IMMP2L: variants seen among roughly 807,000 people sequenced by gnomAD.
The protein encoded by IMMP2L is inner mitochondrial membrane peptidase subunit 2.
In IMMP2L, 18 loss-of-function variants were observed where a neutral mutation model predicts 19.3. The observed-to-expected ratio is 0.93, with a 90% CI of 0.64 to 1.38. IMMP2L has a LOEUF of 1.38. Ranked by LOEUF, IMMP2L falls within the 40% of genes most tolerant of loss-of-function variation. The pLI, the probability that IMMP2L is intolerant of heterozygous loss-of-function variation, is 0.00. For synonymous variants in IMMP2L, 76 were observed against 73.0 expected, an observed-to-expected ratio of 1.04 and a Z score of -0.21; for missense variants, 233 against 218.2, an observed-to-expected ratio of 1.07 and a Z score of -0.43.
chr7:111,372,034 T>C (rs1272895945), intron 3 of IMMP2L, among the ~76,000 whole-genome samples: 1 of 151,970 alleles, frequency 6.6e-6, no homozygotes, highest in Non-Finnish European at 1.5e-5. Flanking sequence ...TTCCAAAGTT[T>C]CAGTATTCCA....
chr7:111,414,444 A>G (rs1563162467), intron 3 of IMMP2L, among the ~76,000 whole-genome samples: 2 of 151,964 alleles, frequency 1.3e-5, no homozygotes, highest in Admixed American at 6.6e-5. Context: ...TATGATCCCA[A>G]TTAAATGACA....
intron 5 of IMMP2L, among the ~76,000 whole-genome samples, chr7:110,698,702 A>C (rs1190124176): frequency 6.6e-6 from 1 of 152,228 alleles, no homozygotes; most frequent in African/African-American, 2.4e-5. Flanking sequence ...GGAGAAAGCC[A>C]AATGGATTTC....
intron 1 of IMMP2L, among the ~76,000 whole-genome samples, chr7:111,558,307 T>C (rs115023094): frequency 0.02 from 3,061 of 152,236 alleles, 106 homozygotes; most frequent in African/African-American, 0.07. Flanking sequence ...CATGGGTAGT[T>C]CCCCTCCAAT....
intron 3 of IMMP2L, among the ~76,000 whole-genome samples, chr7:111,114,982 G>C (rs190254481): frequency 1.3e-5 from 2 of 152,148 alleles, no homozygotes; most frequent in East Asian, 1.9e-4. Context: ...GAGATCTCTA[G>C]TTTAATTATA....
Position 110,662,945 on chromosome 7 carries a change from G to A in IMMP2L, c.*657C>T, listed in dbSNP as rs368008732. ...AAAGGCTTGACTGTATGCAAGTGTCGACAGAATGGGTTCTCCATTACTTTG... is the reference window on the plus strand; with the variant it reads ...AAAGGCTTGACTGTATGCAAGTGTCAACAGAATGGGTTCTCCATTACTTTG... On this transcript the variant is annotated 3_prime_UTR_variant, in exon 6 of 6. Transcript: ENST00000405709. The A allele has an allele frequency of 4.6e-5, 7 of 152,290 alleles. No individual in the cohort carries two copies. In the South Asian group the frequency reaches 6.2e-4, roughly 14 times the overall value. The allele number at this position is 152,290 out of a possible 1,614,324, so 9.4% of individuals were successfully genotyped here.
intron 3 of IMMP2L, among the ~76,000 whole-genome samples, chr7:111,055,438 T>C (rs750910085): frequency 4.9e-4 from 74 of 152,210 alleles, no homozygotes; most frequent in Non-Finnish European, 9.3e-4. Context: ...TGGCTGCCCT[T>C]ACTTCCTCTT....
At chr7:111,180,480 A>C (rs1431121349) in intron 3 of IMMP2L, among the ~76,000 whole-genome samples, 1 of 152,014 alleles carries the variant, frequency 6.6e-6, no homozygotes, top group Non-Finnish European at 1.5e-5. Context: ...GCCCTGAAAC[A>C]GTTACAACAG....
intron 4 of IMMP2L, among the ~76,000 whole-genome samples, chr7:110,957,123 A>G (rs1192805858): frequency 3.3e-5 from 5 of 152,006 alleles, no homozygotes. Context: ...TGAGATCCAG[A>G]GAATCAAGCA....
At chr7:111,301,817 C>CTAT (rs1246396710) in intron 3 of IMMP2L, among the ~76,000 whole-genome samples, 2 of 147,904 alleles carry the variant, frequency 1.4e-5, no homozygotes, top group African/African-American at 5.0e-5. Context: ...ATCTATGTGT[C>CTAT]TATCCCTCCA....
chr7:111,134,453 A>G, intron 3 of IMMP2L, among the ~76,000 whole-genome samples: 1 of 151,898 alleles, frequency 6.6e-6, no homozygotes, highest in East Asian at 1.9e-4. Context: ...GCAAAGTTTT[A>G]TTAATATTAT....
At chr7:111,426,027 C>T (rs530329831) in intron 3 of IMMP2L, among the ~76,000 whole-genome samples, 4 of 151,008 alleles carry the variant, frequency 2.6e-5, no homozygotes, top group South Asian at 2.1e-4. Context: ...TATAAAAACA[C>T]GACAGGGAGG....
intron 3 of IMMP2L, among the ~76,000 whole-genome samples, chr7:111,486,418 C>T (rs765878371): frequency 2.6e-5 from 4 of 152,120 alleles, no homozygotes; most frequent in Non-Finnish European, 5.9e-5. Flanking sequence ...AAAGTATTTA[C>T]CCAGTAGCAG....
At chr7:111,495,608 C>G (rs1401493588) in intron 2 of IMMP2L, among the ~76,000 whole-genome samples, 2 of 152,120 alleles carry the variant, frequency 1.3e-5, no homozygotes, top group South Asian at 4.1e-4. Flanking sequence ...ATTTATCTTT[C>G]GGTTTACGAA....
chr7:110,952,538 G>A (rs1033519024), intron 4 of IMMP2L, among the ~76,000 whole-genome samples: 3 of 152,122 alleles, frequency 2.0e-5, no homozygotes, highest in Admixed American at 2.0e-4. Context: ...GAAAAGCTGA[G>A]GTTCATGGTA....
At chr7:111,089,898 A>G (rs1796676359) in intron 3 of IMMP2L, among the ~76,000 whole-genome samples, 1 of 151,850 alleles carries the variant, frequency 6.6e-6, no homozygotes, top group East Asian at 1.9e-4. Context: ...ATAACTGCAA[A>G]CTATTGTTCT....
chr7:111,536,986 G>C (rs1847944524), intron 1 of IMMP2L, among the ~76,000 whole-genome samples: 1 of 151,672 alleles, frequency 6.6e-6, no homozygotes, highest in African/African-American at 2.4e-5. Flanking sequence ...AGGAAAAGCA[G>C]AGAAATCTTA....
chr7:110,896,464 A>T, intron 4 of IMMP2L, among the ~76,000 whole-genome samples: 1 of 146,908 alleles, frequency 6.8e-6, no homozygotes, highest in Non-Finnish European at 1.5e-5. Flanking sequence ...GTATAATTTT[A>T]TTTTTCAAAA....
intron 3 of IMMP2L, among the ~76,000 whole-genome samples, chr7:110,967,153 T>C (rs1819621007): frequency 6.6e-6 from 1 of 152,084 alleles, no homozygotes; most frequent in Non-Finnish European, 1.5e-5. Flanking sequence ...TCTTAGCAGC[T>C]CTGTGTGGTA....
At chr7:111,342,150 T>A (rs1159444198) in intron 3 of IMMP2L, among the ~76,000 whole-genome samples, 1 of 152,166 alleles carries the variant, frequency 6.6e-6, no homozygotes, top group African/African-American at 2.4e-5. Flanking sequence ...TACTGGATTG[T>A]AGAGGAGAAA....
Sources: allele counts gnomAD v4.1 joint callset (sites outside exome capture counted in the v4.1 genomes callset), GRCh38; gene constraint gnomAD v4.1.1; transcripts MANE v1.5; gene names NCBI Gene and HGNC (gene_info 2026-07-23, HGNC 2026-07-21).